POLN: variants seen among roughly 807,000 people sequenced by gnomAD.
POLN encodes the protein DNA polymerase nu.
POLN carries 108 observed loss-of-function variants against 113.5 expected under a neutral mutation model. The observed-to-expected ratio is 0.95, with a 90% confidence interval of 0.81 to 1.12. The LOEUF (loss-of-function observed/expected upper bound fraction) is 1.12, where lower values mean the gene tolerates loss of function less well. Among genes scored for constraint, POLN ranks in the 50% most tolerant of loss-of-function variants. POLN has a pLI of 0.00. For synonymous variants in POLN, 386 were observed against 391.5 expected, an observed-to-expected ratio of 0.99 and a Z score of 0.17; for missense variants, 1,097 against 1,077.1, an observed-to-expected ratio of 1.02 and a Z score of -0.26.
chr4:2,147,094 T>C (rs980106450), intron 16 of POLN, among the ~76,000 whole-genome samples: 3 of 152,148 alleles, frequency 2.0e-5, no homozygotes, highest in African/African-American at 7.2e-5. Flanking sequence ...AATACTACGC[T>C]GCAAGAAAAA....
At chr4:2,193,087 T>G in intron 7 of POLN, 117 bp downstream of exon 7, 1 of 719,622 alleles carries the variant, frequency 1.4e-6, no homozygotes, top group Non-Finnish European at 2.3e-6. Flanking sequence ...CATATCAGTC[T>G]GTGTGGCCAG....
chr4:2,078,099 C>T (rs1730318867), intron 23 of POLN, among the ~76,000 whole-genome samples: 1 of 152,236 alleles, frequency 6.6e-6, no homozygotes, highest in African/African-American at 2.4e-5. Context: ...TGCCCCCAGC[C>T]CTGCTGAACT....
intron 19 of POLN, among the ~76,000 whole-genome samples, chr4:2,106,271 T>C (rs968731756): frequency 1.3e-5 from 2 of 152,196 alleles, no homozygotes; most frequent in African/African-American, 4.8e-5. Context: ...TTCACGTGAA[T>C]AGCCATCCTG....
At chr4:2,141,238 T>C (rs1731993229) in intron 16 of POLN, among the ~76,000 whole-genome samples, 1 of 152,230 alleles carries the variant, frequency 6.6e-6, no homozygotes, top group African/African-American at 2.4e-5. Flanking sequence ...AAAGTCTGCC[T>C]GAACACATGG....
rs777461525 is a variant in POLN, at chr4:2,072,968, C to G, written c.2517G>C (p.Gln839His). ...EQVQALELQL[Q>H]VPLKVSLSAG... Reference sequence around the variant, plus strand: ...CGGGCAGGCTTAAGTGTCCCCTCACCTGAAGCTGCAGCTCCAATGCCTGCA... The same window carrying G: ...CGGGCAGGCTTAAGTGTCCCCTCACGTGAAGCTGCAGCTCCAATGCCTGCA... Residue 839 changes from glutamine to histidine, a missense_variant and splice_region_variant, in exon 25 of 26, where the codon CAG (glutamine) becomes CAC (histidine). Gln to His is a conservative substitution (Grantham distance 24). Transcript: ENST00000511885. 8.7e-6 allele frequency: 14 copies of G among 1,613,114 alleles called. No homozygotes were observed. The African/African-American group carries it at 1.9e-4, about 22-fold the overall frequency.
intron 21 of POLN, among the ~76,000 whole-genome samples, chr4:2,084,358 A>C (rs1730500578): frequency 6.6e-6 from 1 of 152,088 alleles, no homozygotes; most frequent in Admixed American, 6.5e-5. Flanking sequence ...GCTCCATGAG[A>C]TGGAGGCTGG....
At chr4:2,080,811 A>G (rs937825689) in intron 23 of POLN, 147 bp downstream of exon 23, 1 of 1,532,208 alleles carries the variant, frequency 6.5e-7, no homozygotes, top group South Asian at 1.2e-5. Flanking sequence ...AGTAGCCCCC[A>G]GGGCCTTCCA....
chr4:2,168,680 G>A (rs982273850), intron 13 of POLN, among the ~76,000 whole-genome samples: 2 of 152,224 alleles, frequency 1.3e-5, no homozygotes, highest in African/African-American at 4.8e-5. Flanking sequence ...TCAGGTGCAG[G>A]TGCGGGATGC....
intron 19 of POLN, among the ~76,000 whole-genome samples, chr4:2,109,630 A>ATGTC (rs1731145906): frequency 6.6e-6 from 1 of 152,132 alleles, no homozygotes; most frequent in South Asian, 2.1e-4. Context: ...TCATTATGAA[A>ATGTC]TGTCCCTTTT....
At chr4:2,102,739 A>G (rs1730958836) in intron 19 of POLN, among the ~76,000 whole-genome samples, 1 of 152,110 alleles carries the variant, frequency 6.6e-6, no homozygotes, top group African/African-American at 2.4e-5. Flanking sequence ...TTTAGTCCCC[A>G]CACAACTTTA....
At chr4:2,163,952 T>C (rs552364281) in intron 13 of POLN, among the ~76,000 whole-genome samples, 1 of 152,320 alleles carries the variant, frequency 6.6e-6, no homozygotes, top group Non-Finnish European at 1.5e-5. Flanking sequence ...TCCCCCTCCA[T>C]AAACAGTTCC....
intron 8 of POLN, chr4:2,177,296 T>A: frequency 2.1e-6 from 1 of 484,420 alleles, no homozygotes; most frequent in South Asian, 1.5e-5. Flanking sequence ...CATGCCTCCT[T>A]CTCCCCAGGT....
chr4:2,235,739 G>C (rs1471349225), intron 2 of POLN, among the ~76,000 whole-genome samples: 1 of 151,944 alleles, frequency 6.6e-6, no homozygotes, highest in Non-Finnish European at 1.5e-5. Context: ...TAAATACACA[G>C]TCTAGGAATA....
At chr4:2,088,682 T>G in intron 20 of POLN, 1 of 858,886 alleles carries the variant, frequency 1.2e-6, no homozygotes, top group East Asian at 3.0e-5. Context: ...TAAAAAGCTG[T>G]ACAACAGCCA....
intron 20 of POLN, among the ~76,000 whole-genome samples, chr4:2,092,244 G>A (rs1007219785): frequency 9.2e-5 from 14 of 152,222 alleles, no homozygotes; most frequent in African/African-American, 3.4e-4. Flanking sequence ...TGGGTCACGT[G>A]ATGACTGGAT....
intron 17 of POLN, among the ~76,000 whole-genome samples, chr4:2,130,658 TTC>T (rs1731705335): frequency 6.6e-6 from 1 of 152,174 alleles, no homozygotes; most frequent in Non-Finnish European, 1.5e-5. Context: ...TGTTTGTTTT[TTC>T]TTTATTGGGA....
intron 19 of POLN, among the ~76,000 whole-genome samples, chr4:2,102,583 G>A (rs1213580097): frequency 6.6e-6 from 1 of 152,214 alleles, no homozygotes; most frequent in Non-Finnish European, 1.5e-5. Flanking sequence ...AATGGCATCT[G>A]AGAAAGCCAA....
chr4:2,085,502 A>G (rs1020397471), intron 21 of POLN, 111 bp downstream of exon 21: 4 of 1,449,112 alleles, frequency 2.8e-6, no homozygotes, highest in Non-Finnish European at 1.9e-6. Context: ...CCAGGCCCCC[A>G]AACCAACCTC....
At chr4:2,147,179 A>G (rs891643653) in intron 16 of POLN, among the ~76,000 whole-genome samples, 1 of 152,230 alleles carries the variant, frequency 6.6e-6, no homozygotes, top group Non-Finnish European at 1.5e-5. Context: ...CATAATGTTG[A>G]TAAATTCTGA....
Sources: allele counts gnomAD v4.1 joint callset (sites outside exome capture counted in the v4.1 genomes callset), GRCh38; gene constraint gnomAD v4.1.1; transcripts MANE v1.5; gene names NCBI Gene and HGNC (gene_info 2026-07-23, HGNC 2026-07-21).